TNRC6A: variants seen among roughly 807,000 people sequenced by gnomAD.
The protein encoded by TNRC6A is trinucleotide repeat containing adaptor 6A, also known as trinucleotide repeat-containing gene 6A protein.
TNRC6A carries 44 observed loss-of-function variants against 221.2 expected under a neutral mutation model. The observed-to-expected ratio is 0.20, with a 90% CI of 0.16 to 0.26. TNRC6A has a LOEUF of 0.26. Among genes scored for constraint, TNRC6A ranks in the 10% least tolerant of loss-of-function variants. The probability of loss-of-function intolerance (pLI) is 1.00; values close to 1 mark genes in which losing one functional copy is unlikely to be tolerated. For synonymous variants in TNRC6A, 847 were observed against 838.5 expected (o/e 1.01, Z -0.18); for missense variants, 2,199 against 2,404.4 (o/e 0.91, Z 1.79).
At chr16:24,716,078 C>T (rs1247165271) in intron 2 of TNRC6A, among the ~76,000 whole-genome samples, 1 of 151,990 alleles carries the variant, frequency 6.6e-6, no homozygotes, top group Non-Finnish European at 1.5e-5. Flanking sequence ...CTACAGACAC[C>T]GAGATACATT....
rs1307047483 is a variant in TNRC6A, at chr16:24,758,344, T to C, written c.147T>C (p.Thr49=). 6.2e-7 allele frequency: 1 copy of C among 1,609,904 alleles called. No homozygotes were observed. The highest frequency in any genetic ancestry group is 8.5e-7 in the Non-Finnish European group (1 of 1,176,796). ...KKKEAAQKKA[T]EQKIKVPEQI... is the part of the protein sequence containing the mutation. ...TTTGTTTGTTTTTATTTTAGGCCAC[T>C]GAACAAAAAATCAAAGGTACGTTGT... is the stretch of plus-strand genomic sequence containing the variant. The change falls in exon 4 of 25, where the codon ACT becomes ACC. Residue 49 remains threonine (T), a synonymous_variant. Transcript: ENST00000395799.
rs906829534 is a variant in TNRC6A at position 24,804,206 on chromosome 16, G to C, written c.3724G>C (p.Asp1242His). 9 of 1,611,852 alleles carry C rather than the reference G, an allele frequency of 5.6e-6. No individual in the cohort carries two copies. Among genetic ancestry groups the C allele is most frequent in the Non-Finnish European group, 7.6e-6 (9 of 1,179,592 alleles). Residue 1242 changes from aspartate to histidine, a missense_variant, in exon 12 of 25, where the codon GAT (aspartate) becomes CAT (histidine). Physicochemically the swap from Asp to His is moderately conservative, Grantham distance 81. Transcript: ENST00000395799. ...GTTACAAGACAAACGAATGGAGATA[G>C]ATAAACATAGCCTAAATATTGGTGA... ...GMLQDKRMEI[D>H]KHSLNIGDYN...
chr16:24,730,557 T>A (rs1001399954), intron 2 of TNRC6A, among the ~76,000 whole-genome samples: 1 of 152,028 alleles, frequency 6.6e-6, no homozygotes, highest in South Asian at 2.1e-4. Context: ...ATTCTCACCC[T>A]TTTAGAATTT....
chr16:24,696,728 C>CAAAA lies in TNRC6A; in HGVS notation n.403-53984_403-53981dup, dbSNP rs1251210834. Among the ~76,000 whole-genome samples the CAAAA allele has an allele frequency of 1.5e-3, 67 of 45,142 alleles. 2 individuals are homozygous for CAAAA. The highest frequency in any genetic ancestry group is 6.8e-3 in the African/African-American group (61 of 9,012). 29.6% of individuals were successfully genotyped at this position (45,142 alleles called of 152,430 possible). ...TGGGCAACAGAGCGAGACCCTGTCT[C>CAAAA]AAAAAAAAAAAAAAAAAGAAAGGAA... On this transcript the variant is annotated intron_variant and non_coding_transcript_variant, in intron 2 of 2. Transcript: ENST00000566108.
chr16:24,698,180 G>C (rs766402098), intron 2 of TNRC6A, among the ~76,000 whole-genome samples: 7 of 151,964 alleles, frequency 4.6e-5, no homozygotes, highest in Non-Finnish European at 7.4e-5. Context: ...AAATTAAAAA[G>C]AAAACAAAAA....
intron 18 of TNRC6A, 25 bp from the exon 19 acceptor site, chr16:24,815,122 T>A (rs1207670468): frequency 6.2e-7 from 1 of 1,600,426 alleles, no homozygotes. Flanking sequence ...TTGCTCACAT[T>A]TCTCTATTAT....
intron 3 of TNRC6A, among the ~76,000 whole-genome samples, chr16:24,758,017 A>G (rs1359321440): frequency 6.6e-6 from 1 of 152,262 alleles, no homozygotes; most frequent in East Asian, 1.9e-4. Flanking sequence ...TTGTATAAAA[A>G]TCATTTTTAA....
At chr16:24,647,567 G>A (rs1384792428) in intron 2 of TNRC6A, among the ~76,000 whole-genome samples, 1 of 152,106 alleles carries the variant, frequency 6.6e-6, no homozygotes, top group Non-Finnish European at 1.5e-5. Context: ...TCACACTGCT[G>A]TGAACCATCA....
At chr16:24,802,925 C>T (rs2058357728) in intron 11 of TNRC6A, among the ~76,000 whole-genome samples, 1 of 152,106 alleles carries the variant, frequency 6.6e-6, no homozygotes, top group Non-Finnish European at 1.5e-5. Context: ...CCGGAGCTGG[C>T]TATATCCAGC....
intron 2 of TNRC6A, among the ~76,000 whole-genome samples, chr16:24,703,014 G>A (rs1212361645): frequency 2.0e-5 from 3 of 151,462 alleles, no homozygotes; most frequent in African/African-American, 7.3e-5. Flanking sequence ...CAGCCTGGGT[G>A]ACAGTGCGAG....
intron 1 of TNRC6A, among the ~76,000 whole-genome samples, chr16:24,615,885 T>G (rs1299069674): frequency 9.3e-6 from 1 of 107,274 alleles, no homozygotes; most frequent in Non-Finnish European, 1.7e-5. Context: ...CACATACCCC[T>G]ACATGCTCTA....
intron 5 of TNRC6A, among the ~76,000 whole-genome samples, chr16:24,778,786 C>T (rs376865892): frequency 2.4e-4 from 37 of 152,190 alleles, no homozygotes; most frequent in East Asian, 9.6e-4. Flanking sequence ...AATACTAGAT[C>T]TAATGCCAAG....
chr16:24,670,615 C>T (rs2055276120), intron 2 of TNRC6A, among the ~76,000 whole-genome samples: 1 of 152,056 alleles, frequency 6.6e-6, no homozygotes, highest in Non-Finnish European at 1.5e-5. Flanking sequence ...GTCTGTACTC[C>T]CTCTCCAAAT....
intron 2 of TNRC6A, 93 bp from the exon 3 acceptor site, chr16:24,750,633 A>C: frequency 7.4e-7 from 1 of 1,353,062 alleles, no homozygotes; most frequent in East Asian, 2.6e-5. Flanking sequence ...ATGTCTTCTA[A>C]TAAGAGTGAA....
chr16:24,664,808 CA>C, intron 2 of TNRC6A: 1 of 439,682 alleles, frequency 2.3e-6, no homozygotes, highest in Admixed American at 2.5e-5. Context: ...CACACACACA[CA>C]CACAAAACCT....
chr16:24,660,728 C>CTTTTTTTT (rs138458968), intron 2 of TNRC6A, among the ~76,000 whole-genome samples: 19 of 122,526 alleles, frequency 1.6e-4, no homozygotes, highest in South Asian at 2.5e-4. Context: ...TTTCTTTTTT[C>CTTTTTTTT]TTTTTTTTTT....
chr16:24,705,918 T>C (rs2142258326), intron 2 of TNRC6A, among the ~76,000 whole-genome samples: 1 of 152,294 alleles, frequency 6.6e-6, no homozygotes, highest in African/African-American at 2.4e-5. Context: ...AATGACTATT[T>C]GCAGGTAATA....
chr16:24,807,219 G>C (rs558573533), intron 17 of TNRC6A, among the ~76,000 whole-genome samples: 1 of 151,978 alleles, frequency 6.6e-6, no homozygotes, highest in African/African-American at 2.4e-5. Context: ...TGGCCGGGTG[G>C]GTCTGGAACT....
rs1178692810 is a variant in TNRC6A, at chr16:24,806,264, G to A, written c.4310G>A (p.Arg1437Gln). ...QSQRSVPSGNRPQQDQQGRPL... is the reference protein window; with the variant it reads ...QSQRSVPSGNQPQQDQQGRPL... ...CAGAGAAGCGTGCCTTCTGGGAACC[G>A]GCCGCAGCAAGACCAGCAGGTAGAG... The change falls in exon 16 of 25, where the codon CGG becomes CAG. Residue 1437 changes from arginine (R) to glutamine (Q), a missense_variant. Arg to Gln is a conservative substitution (Grantham distance 43). Coordinates refer to ENST00000395799, the MANE Select transcript of TNRC6A (RefSeq NM_014494.4). The A allele has an allele frequency of 1.4e-5, 22 of 1,614,024 alleles. No individual in the cohort carries two copies. Among genetic ancestry groups the A allele is most frequent in the Non-Finnish European group, 1.7e-5 (20 of 1,180,036 alleles).
Sources: allele counts gnomAD v4.1 joint callset (sites outside exome capture counted in the v4.1 genomes callset), GRCh38; gene constraint gnomAD v4.1.1; transcripts MANE v1.5; gene names NCBI Gene and HGNC (gene_info 2026-07-23, HGNC 2026-07-21).